CLHC1: variants seen among roughly 807,000 people sequenced by gnomAD.
CLHC1 encodes clathrin heavy chain linker domain containing 1.
Under a neutral mutation model 69.5 loss-of-function variants are expected in CLHC1, and 72 were observed. The ratio of observed to expected loss-of-function variants is 1.04; its 90% CI spans 0.86 to 1.26. CLHC1 has a LOEUF of 1.26. CLHC1 is among the 50% of genes most tolerant of loss of function. The pLI, the probability that CLHC1 is intolerant of heterozygous loss-of-function variation, is 0.00. For synonymous variants in CLHC1, 223 were observed against 224.3 expected (o/e 0.99, Z 0.05); for missense variants, 790 against 679.3 (o/e 1.16, Z -1.81).
intron 9 of CLHC1, among the ~76,000 whole-genome samples, chr2:55,192,161 C>T (rs1670994963): frequency 6.6e-6 from 1 of 152,010 alleles, no homozygotes; most frequent in African/African-American, 2.4e-5. Context: ...GCTCTGTCAC[C>T]CAGGCTGGAG....
At chr2:55,177,918 C>T in intron 11 of CLHC1, 137 bp from the exon 12 acceptor site, 2 of 578,648 alleles carry the variant, frequency 3.5e-6, no homozygotes, top group Non-Finnish European at 5.8e-6. Flanking sequence ...CCCACTCCAA[C>T]CTAAACTCAA....
rs1011005518 is a variant in CLHC1, at chr2:55,175,278, T to TTA, written c.*510_*511dup. ...ACTAGAAGCCTAAGCTTTGCCATAT[T>TTA]TATATATATCAAAGCATGGGGCGCA... On this transcript the variant is annotated 3_prime_UTR_variant, in exon 13 of 13. Coordinates refer to ENST00000401408, the MANE Select transcript of CLHC1 (RefSeq NM_152385.4). The TTA allele has an allele frequency of 6.5e-6, 1 of 152,712 alleles. No individual in the cohort carries two copies. The highest frequency in any genetic ancestry group is 2.4e-5 in the African/African-American group (1 of 41,454). The allele number at this position is 152,712 out of a possible 1,614,324, so 9.5% of individuals were successfully genotyped here.
At chr2:55,213,917 G>T (rs138584239) in intron 4 of CLHC1, among the ~76,000 whole-genome samples, 1 of 152,108 alleles carries the variant, frequency 6.6e-6, no homozygotes, top group African/African-American at 2.4e-5. Flanking sequence ...ATTACTAAAA[G>T]AAAACATCAG....
intron 3 of CLHC1, among the ~76,000 whole-genome samples, chr2:55,220,533 C>T (rs937115054): frequency 6.6e-6 from 1 of 152,054 alleles, no homozygotes; most frequent in Non-Finnish European, 1.5e-5. Context: ...ATCTTTTCTC[C>T]TCACCAGGAG....
intron 2 of CLHC1, chr2:55,225,844 T>A (rs935381130): frequency 6.6e-6 from 1 of 152,292 alleles, no homozygotes. Context: ...CAGGAACTGC[T>A]GTCTTTGTAA....
In CLHC1 at chr2:55,178,291, C is replaced by G. The variant is rs1292676342; in HGVS notation, c.1385-510G>C. Among the ~76,000 whole-genome samples, 3 of 152,110 alleles carry G rather than the reference C, an allele frequency of 2.0e-5. No homozygotes were observed. The East Asian group carries it at 5.8e-4, about 29-fold the overall frequency. On this transcript the variant is annotated intron_variant, in intron 11 of 12. Coordinates refer to ENST00000401408, the MANE Select transcript of CLHC1 (RefSeq NM_152385.4). ...CAACTCAGTAATTTTTTTCCTAAAA[C>G]TATCAAGCATTTAGAAATTCAAAAA...
intron 9 of CLHC1, among the ~76,000 whole-genome samples, chr2:55,195,685 C>A (rs1389508684): frequency 1.3e-5 from 2 of 152,072 alleles, no homozygotes; most frequent in African/African-American, 4.8e-5. Flanking sequence ...ACCTGTAATC[C>A]CAGCTATTGG....
At chr2:55,219,713 A>G (rs1399720056) in intron 3 of CLHC1, among the ~76,000 whole-genome samples, 1 of 152,178 alleles carries the variant, frequency 6.6e-6, no homozygotes, top group East Asian at 1.9e-4. Context: ...CCCAGCATTA[A>G]GGCTGCTACT....
In CLHC1 at chr2:55,173,361, A is replaced by G. The variant is rs1476886741; in HGVS notation, c.*2429T>C. On this transcript the variant is annotated 3_prime_UTR_variant, in exon 13 of 13. Transcript: ENST00000401408. ...CCATTAAGGTTGTAATCTTGCTAGC[A>G]GAAATTGTGTGCAAAACAGGTATTC... 6.6e-6 allele frequency among the ~76,000 whole-genome samples: 1 copy of G among 152,246 alleles called. No individual in the cohort carries two copies. Among genetic ancestry groups the G allele is most frequent in the Admixed American group, 6.5e-5 (1 of 15,282 alleles).
intron 1 of CLHC1, among the ~76,000 whole-genome samples, chr2:55,231,142 C>T (rs1271847722): frequency 1.3e-5 from 2 of 151,300 alleles, no homozygotes; most frequent in African/African-American, 4.9e-5. Flanking sequence ...CCCAGCTACT[C>T]GGGAGGCTGA....
At chr2:55,185,092 G>A (rs1670304619) in intron 9 of CLHC1, among the ~76,000 whole-genome samples, 1 of 152,038 alleles carries the variant, frequency 6.6e-6, no homozygotes, top group South Asian at 2.1e-4. Flanking sequence ...ATGGTAAAGG[G>A]ATTTCATAAG....
In CLHC1 at chr2:55,177,601, C is replaced by T. The variant is rs1445604927; in HGVS notation, c.1564+1G>A. Reference sequence around the variant, plus strand: ...CTCCCACAACATTTTATTCTACTTACCTATCCCACCTTTATTGATTTCTTG... The same window carrying T: ...CTCCCACAACATTTTATTCTACTTATCTATCCCACCTTTATTGATTTCTTG... On this transcript the variant is annotated splice_donor_variant, in intron 12 of 12. Coordinates refer to ENST00000401408, the MANE Select transcript of CLHC1 (RefSeq NM_152385.4). LOFTEE classifies it high-confidence loss of function. The T allele has an allele frequency of 1.3e-6, 2 of 1,590,886 alleles. No individual in the cohort carries two copies. Among genetic ancestry groups the T allele is most frequent in the Non-Finnish European group, 1.7e-6 (2 of 1,165,834 alleles).
chr2:55,206,115 A>T (rs988978741), intron 9 of CLHC1, among the ~76,000 whole-genome samples, 155 bp downstream of exon 9: 1 of 152,198 alleles, frequency 6.6e-6, no homozygotes, highest in Non-Finnish European at 1.5e-5. Context: ...AAATCTAATC[A>T]AATCCCTAAT....
At chr2:55,207,835 C>A (rs1416484578) in intron 8 of CLHC1, among the ~76,000 whole-genome samples, 1 of 152,066 alleles carries the variant, frequency 6.6e-6, no homozygotes, top group Non-Finnish European at 1.5e-5. Context: ...ATGTTAATTT[C>A]TTGCTAAGTT....
chr2:55,211,600 A>G (rs1170470716), intron 5 of CLHC1, among the ~76,000 whole-genome samples: 2 of 152,010 alleles, frequency 1.3e-5, no homozygotes, highest in Non-Finnish European at 2.9e-5. Flanking sequence ...AGTATAGAGT[A>G]GCTCATTACT....
rs111325588 is a variant in CLHC1, at chr2:55,211,077, C to T, written c.500-1246G>A. ...TACTCCTCCCCCAGAAACTTACCTG[C>T]ATTGATTCTACTTAATTTTAACCAG... On this transcript the variant is annotated intron_variant, in intron 5 of 12. Coordinates refer to ENST00000401408, the MANE Select transcript of CLHC1 (RefSeq NM_152385.4). Among the ~76,000 whole-genome samples the T allele has an allele frequency of 2.0e-3, 311 of 152,300 alleles. 2 individuals carry two copies. The highest frequency in any genetic ancestry group is 7.1e-3 in the African/African-American group (294 of 41,572).
chr2:55,228,700 G>A (rs1427462876), intron 1 of CLHC1, among the ~76,000 whole-genome samples: 1 of 152,122 alleles, frequency 6.6e-6, no homozygotes, highest in East Asian at 1.9e-4. Flanking sequence ...CAAAATCTAG[G>A]GCAATGCTTA....
At chr2:55,231,364 A>G (rs75511253) in intron 1 of CLHC1, among the ~76,000 whole-genome samples, 2,305 of 152,278 alleles carry the variant, frequency 0.015, 61 homozygotes, top group African/African-American at 0.053. Context: ...ACTAAAATGT[A>G]GAGTAATGGG....
At chr2:55,195,963 G>T (rs1431126411) in intron 9 of CLHC1, among the ~76,000 whole-genome samples, 3 of 152,324 alleles carry the variant, frequency 2.0e-5, no homozygotes, top group African/African-American at 7.2e-5. Flanking sequence ...GTATTGAATT[G>T]CCAACTCACC....
Sources: gnomAD v4.1 joint callset for allele counts (sites outside exome capture counted in the v4.1 genomes callset) on GRCh38, gnomAD v4.1.1 for gene constraint, MANE v1.5 for transcripts, NCBI Gene and HGNC (gene_info 2026-07-23, HGNC 2026-07-21) for gene names.